Variants in PRKX observed in about 807,000 individuals in gnomAD.
The protein encoded by PRKX is protein kinase cAMP-dependent X-linked catalytic subunit.
In PRKX, 12 loss-of-function variants were observed where a neutral mutation model predicts 22.0. The ratio of observed to expected loss-of-function variants is 0.54; its 90% CI spans 0.35 to 0.88. The LOEUF is 0.88. PRKX is among the 40% of genes least tolerant of loss of function. The probability of loss-of-function intolerance (pLI) is 0.01; values close to 1 mark genes in which losing one functional copy is unlikely to be tolerated. For missense variants in PRKX, 217 were observed against 308.0 expected (o/e 0.70, Z 2.21); for synonymous variants, 134 against 137.7 (o/e 0.97, Z 0.19).
At chrX:3,613,593 C>T (rs1926350804) in intron 7 of PRKX, among the ~76,000 whole-genome samples, 1 of 109,339 alleles carries the variant, frequency 9.1e-6, no homozygotes, top group South Asian at 4.1e-4. Context: ...ACCTGTAATC[C>T]CAGCACTTTG....
chrX:3,665,932 G>GGGGATA (rs1252109852), intron 2 of PRKX, among the ~76,000 whole-genome samples: 2 of 103,236 alleles, frequency 1.9e-5, no homozygotes, highest in Non-Finnish European at 4.0e-5. Context: ...GGATGGGGAT[G>GGGGATA]GGGATGGGGA....
At chrX:3,654,169 TATATAATATATATTATATA>T (rs1207488607) in intron 3 of PRKX, among the ~76,000 whole-genome samples, 3 of 92,365 alleles carry the variant, frequency 3.2e-5, no homozygotes, top group African/African-American at 1.2e-4. Flanking sequence ...ATAGGTATGC[TATATAATATATATTATATA>T]TTATAATATA....
chrX:3,648,040 G>C (rs1276270203), intron 3 of PRKX, among the ~76,000 whole-genome samples: 1 of 111,666 alleles, frequency 9.0e-6, no homozygotes, highest in Non-Finnish European at 1.9e-5. Context: ...TCAACGCGTA[G>C]AATGTGTCAG....
intron 2 of PRKX, 64 bp downstream of exon 2, chrX:3,674,534 A>G: frequency 8.7e-7 from 1 of 1,143,256 alleles, no homozygotes; most frequent in African/African-American, 1.8e-5. Flanking sequence ...CCAGCTTCTT[A>G]TAAGAAGAGA....
chrX:3,652,189 T>C (rs770273455), intron 3 of PRKX, among the ~76,000 whole-genome samples: 2 of 110,202 alleles, frequency 1.8e-5, no homozygotes, highest in African/African-American at 6.6e-5. Flanking sequence ...GATGCCAAGG[T>C]GGGCGCATCA....
chrX:3,659,337 G>T (rs1927543031), intron 2 of PRKX: 1 of 110,987 alleles, frequency 9.0e-6, no homozygotes, highest in South Asian at 3.8e-4. Flanking sequence ...ATGTTTTTAT[G>T]TATTAGCAAA....
intron 4 of PRKX, among the ~76,000 whole-genome samples, chrX:3,639,867 A>G (rs1033856478): frequency 3.6e-5 from 4 of 110,891 alleles, no homozygotes; most frequent in African/African-American, 1.3e-4. Flanking sequence ...TCTGCTCCCC[A>G]AACAAAGTCA....
intron 2 of PRKX, among the ~76,000 whole-genome samples, chrX:3,670,595 G>A (rs749425262): frequency 9.9e-5 from 11 of 110,815 alleles, no homozygotes; most frequent in Non-Finnish European, 2.1e-4. Context: ...CCCCAGGCTG[G>A]AGTGCAGTGG....
chrX:3,645,950 T>C (rs1298786356), intron 3 of PRKX, among the ~76,000 whole-genome samples: 7 of 108,912 alleles, frequency 6.4e-5, no homozygotes, highest in African/African-American at 1.7e-4. Context: ...TAAAAAATGT[T>C]AATAAAGATG....
intron 2 of PRKX, among the ~76,000 whole-genome samples, chrX:3,662,031 T>G (rs1268843417): frequency 8.9e-6 from 1 of 111,936 alleles, no homozygotes; most frequent in Non-Finnish European, 1.9e-5. Flanking sequence ...TTTCCAAATG[T>G]TTTGGACAAG....
chrX:3,617,173 T>C, intron 6 of PRKX, among the ~76,000 whole-genome samples: 1 of 110,554 alleles, frequency 9.0e-6, no homozygotes, highest in Non-Finnish European at 1.9e-5. Context: ...CACGTTAATA[T>C]ATACACATTA....
chrX:3,694,146 G>A (rs867715912), intron 1 of PRKX, among the ~76,000 whole-genome samples: 8 of 108,988 alleles, frequency 7.3e-5, no homozygotes, highest in Middle Eastern at 4.7e-3. Context: ...CAGCACTTTG[G>A]GAGGCCAAGG....
intron 2 of PRKX, among the ~76,000 whole-genome samples, chrX:3,664,943 G>A (rs772415944): frequency 1.8e-5 from 2 of 112,370 alleles, no homozygotes; most frequent in South Asian, 3.7e-4. Flanking sequence ...AAACGTCCAC[G>A]TGTATCCCTG....
intron 4 of PRKX, among the ~76,000 whole-genome samples, chrX:3,639,539 G>A (rs1159179988): frequency 2.8e-5 from 2 of 70,922 alleles, no homozygotes; most frequent in African/African-American, 1.0e-4. Flanking sequence ...TGGATGACGG[G>A]GTGGGTGGGT....
At chrX:3,696,944 C>T (rs1230339091) in intron 1 of PRKX, among the ~76,000 whole-genome samples, 3 of 112,090 alleles carry the variant, frequency 2.7e-5, no homozygotes, top group Non-Finnish European at 3.8e-5. Flanking sequence ...CACTTGAACC[C>T]GGGAGGTGGA....
chrX:3,623,492 G>A (rs1346322548), intron 5 of PRKX, among the ~76,000 whole-genome samples: 1 of 110,951 alleles, frequency 9.0e-6, no homozygotes, highest in Non-Finnish European at 1.9e-5. Context: ...GGACGTCGAG[G>A]CTGCAGTGAG....
intron 1 of PRKX, among the ~76,000 whole-genome samples, chrX:3,693,549 T>C (rs1310152213): frequency 3.6e-5 from 4 of 110,662 alleles, no homozygotes; most frequent in Non-Finnish European, 3.8e-5. Flanking sequence ...AGGGGATGTA[T>C]TGAGATTGAG....
chrX:3,637,360 G>C (rs1190475410), intron 4 of PRKX, among the ~76,000 whole-genome samples: 1 of 111,498 alleles, frequency 9.0e-6, no homozygotes, highest in Non-Finnish European at 1.9e-5. Flanking sequence ...CGGGCTCCCA[G>C]GGAATAGGGA....
At chrX:3,678,824 G>A (rs968998743) in intron 1 of PRKX, among the ~76,000 whole-genome samples, 1 of 111,504 alleles carries the variant, frequency 9.0e-6, no homozygotes, top group African/African-American at 3.3e-5. Flanking sequence ...CCCACTTGAG[G>A]AGAAAATGTC....
Sources: gnomAD v4.1 joint callset for allele counts (sites outside exome capture counted in the v4.1 genomes callset) on GRCh38, gnomAD v4.1.1 for gene constraint, MANE v1.5 for transcripts, NCBI Gene and HGNC (gene_info 2026-07-23, HGNC 2026-07-21) for gene names.